TNPO1: variants seen among roughly 807,000 people sequenced by gnomAD.
The protein encoded by TNPO1 is transportin 1.
A neutral mutation model predicts 119.5 loss-of-function variants in TNPO1; 8 were observed. The observed-to-expected ratio is 0.07, with a 90% confidence interval of 0.04 to 0.12. The LOEUF is 0.12. Ranked by LOEUF, TNPO1 falls within the 10% of genes least tolerant of loss-of-function variation. The pLI, the probability that TNPO1 is intolerant of heterozygous loss-of-function variation, is 1.00. For synonymous variants in TNPO1, 362 were observed against 363.0 expected, an observed-to-expected ratio of 1.00 and a Z score of 0.03; for missense variants, 576 against 1,089.8, an observed-to-expected ratio of 0.53 and a Z score of 6.64.
chr5:72,860,529 T>C (rs1272146070), intron 4 of TNPO1, among the ~76,000 whole-genome samples: 1 of 152,270 alleles, frequency 6.6e-6, no homozygotes, highest in East Asian at 1.9e-4. Context: ...ACAACTCTAC[T>C]GCATAACACA....
chr5:72,872,912 G>C (rs1176262184), intron 7 of TNPO1, among the ~76,000 whole-genome samples, 192 bp downstream of exon 7: 1 of 152,052 alleles, frequency 6.6e-6, no homozygotes, highest in African/African-American at 2.4e-5. Context: ...AGCTGAGAAG[G>C]CACTTTTACT....
chr5:72,867,226 G>T (rs1452419744), intron 6 of TNPO1, among the ~76,000 whole-genome samples: 2 of 151,346 alleles, frequency 1.3e-5, no homozygotes, highest in Non-Finnish European at 2.9e-5. Context: ...AGATTCTGTT[G>T]TACATACTTT....
chr5:72,901,252 A>C (rs1310168596), intron 22 of TNPO1, among the ~76,000 whole-genome samples, 179 bp downstream of exon 22: 1 of 151,752 alleles, frequency 6.6e-6, no homozygotes, highest in Admixed American at 6.6e-5. Flanking sequence ...TTTTTTCCTA[A>C]ATTTTTTTTG....
chr5:72,914,117 ATCC>A lies in TNPO1; in HGVS notation c.*5449_*5451del, dbSNP rs1205901771. ...ATGTTAGAATGTGTCCTTCAAACAT[ATCC>A]TCCTGCAACTTCTCAAACTGTACTA... On this transcript the variant is annotated 3_prime_UTR_variant, in exon 25 of 25. Coordinates refer to ENST00000337273, the MANE Select transcript of TNPO1 (RefSeq NM_002270.4). 6.6e-6 allele frequency: 1 copy of A among 152,628 alleles called. No individual in the cohort carries two copies. Among genetic ancestry groups the A allele is most frequent in the African/African-American group, 2.4e-5 (1 of 41,452 alleles). The allele number at this position is 152,628 out of a possible 1,614,324, so 9.5% of individuals were successfully genotyped here. A position where few individuals can be genotyped will look rare whatever the true frequency, so the allele number is the denominator to read the frequency against.
Position 72,816,702 on chromosome 5 carries a change from CT to C in TNPO1, c.-34del. ...AGGCCCCGGACAGGAGGCAGTGCCGCTTCGGCCGAAGGCCCGAGCGCCCGAG... is the reference window on the plus strand; with the variant it reads ...AGGCCCCGGACAGGAGGCAGTGCCGCTCGGCCGAAGGCCCGAGCGCCCGAG... On this transcript the variant is annotated 5_prime_UTR_variant, in exon 1 of 25. Coordinates refer to ENST00000337273, the MANE Select transcript of TNPO1 (RefSeq NM_002270.4). 6.4e-7 allele frequency: 1 copy of C among 1,558,974 alleles called. No homozygotes were observed. The highest frequency in any genetic ancestry group is 8.7e-7 in the Non-Finnish European group (1 of 1,154,700).
chr5:72,837,786 C>T (rs1461516429), intron 1 of TNPO1, among the ~76,000 whole-genome samples: 2 of 152,140 alleles, frequency 1.3e-5, no homozygotes, highest in Non-Finnish European at 2.9e-5. Flanking sequence ...TTAATCTTCT[C>T]ATCAACGCCA....
At chr5:72,828,497 T>C (rs1744302700) in intron 1 of TNPO1, among the ~76,000 whole-genome samples, 1 of 152,204 alleles carries the variant, frequency 6.6e-6, no homozygotes, top group Non-Finnish European at 1.5e-5. Flanking sequence ...ATTTGTTTGC[T>C]TCTCTCGCTG....
At chr5:72,835,437 A>G (rs978062488) in intron 1 of TNPO1, among the ~76,000 whole-genome samples, 1 of 152,134 alleles carries the variant, frequency 6.6e-6, no homozygotes, top group African/African-American at 2.4e-5. Context: ...TATCTAGTGA[A>G]GGCTTGCCCT....
chr5:72,885,158 G>A (rs771473964), intron 11 of TNPO1, among the ~76,000 whole-genome samples: 11 of 152,164 alleles, frequency 7.2e-5, no homozygotes, highest in Non-Finnish European at 1.2e-4. Context: ...TCATAAGTAA[G>A]AATAAAGTCA....
intron 5 of TNPO1, 82 bp downstream of exon 5, chr5:72,861,996 A>G: frequency 2.0e-6 from 2 of 989,268 alleles, no homozygotes; most frequent in South Asian, 2.8e-5. Context: ...TGGGAAAAAT[A>G]GTTCCTCTGA....
intron 13 of TNPO1, among the ~76,000 whole-genome samples, chr5:72,888,945 A>G (rs1178955992): frequency 2.0e-5 from 3 of 152,086 alleles, no homozygotes; most frequent in African/African-American, 7.2e-5. Flanking sequence ...ATACCTTTAT[A>G]TTTTAAAAGG....
intron 15 of TNPO1, 23 bp downstream of exon 15, chr5:72,891,919 A>C: frequency 1.3e-6 from 2 of 1,572,246 alleles, no homozygotes; most frequent in Non-Finnish European, 1.7e-6. Flanking sequence ...AGTAATATTT[A>C]ATCTGTTGCC....
intron 1 of TNPO1, among the ~76,000 whole-genome samples, chr5:72,825,154 G>C (rs963942741): frequency 6.6e-6 from 1 of 152,094 alleles, no homozygotes; most frequent in East Asian, 1.9e-4. Flanking sequence ...ACATCTTGTT[G>C]GATTACTGAA....
chr5:72,887,336 A>C (rs1580458162), intron 12 of TNPO1, 114 bp downstream of exon 12: 13 of 1,225,848 alleles, frequency 1.1e-5, no homozygotes. Context: ...CTAGTATTAA[A>C]CAGCCATAGG....
chr5:72,848,311 G>A, intron 1 of TNPO1, 74 bp from the exon 2 acceptor site: 1 of 1,431,466 alleles, frequency 7.0e-7, no homozygotes, highest in Non-Finnish European at 9.3e-7. Flanking sequence ...TCAGCTGCGC[G>A]CGGGAAGCCT....
intron 9 of TNPO1, among the ~76,000 whole-genome samples, 153 bp from the exon 10 acceptor site, chr5:72,882,314 T>G (rs1748303794): frequency 1.3e-5 from 2 of 152,242 alleles, no homozygotes; most frequent in Non-Finnish European, 2.9e-5. Flanking sequence ...GTTTCTTCAG[T>G]TAATGAGAGC....
At chr5:72,880,334 A>T (rs974737889) in intron 9 of TNPO1, among the ~76,000 whole-genome samples, 2 of 152,040 alleles carry the variant, frequency 1.3e-5, no homozygotes, top group African/African-American at 2.4e-5. Context: ...CTGGTATAGC[A>T]GCTCTTGATT....
chr5:72,823,102 A>G (rs1425673417), intron 1 of TNPO1, among the ~76,000 whole-genome samples: 1 of 151,912 alleles, frequency 6.6e-6, no homozygotes, highest in Non-Finnish European at 1.5e-5. Context: ...TTCTTGCTGT[A>G]ATGGAAACCG....
chr5:72,856,840 T>C (rs976334526), intron 4 of TNPO1, among the ~76,000 whole-genome samples: 3 of 152,188 alleles, frequency 2.0e-5, no homozygotes, highest in African/African-American at 7.2e-5. Context: ...AACTGGCTAT[T>C]GGTTAACACA....
Sources: allele counts gnomAD v4.1 joint callset (sites outside exome capture counted in the v4.1 genomes callset), GRCh38; gene constraint gnomAD v4.1.1; transcripts MANE v1.5; gene names NCBI Gene and HGNC (gene_info 2026-07-23, HGNC 2026-07-21).